ANTXR1: variants seen among roughly 807,000 people sequenced by gnomAD.
ANTXR1 encodes anthrax toxin receptor 1.
A neutral mutation model predicts 78.1 loss-of-function variants in ANTXR1; 19 were observed. The observed-to-expected ratio is 0.24, with a 90% CI of 0.17 to 0.36. The LOEUF is 0.36. ANTXR1 is among the 10% of genes least tolerant of loss of function. The pLI is 1.00. For missense variants in ANTXR1, 518 were observed against 718.6 expected (o/e 0.72, Z 3.19); for synonymous variants, 273 against 260.5 (o/e 1.05, Z -0.46).
chr2:69,146,287 G>A, intron 12 of ANTXR1: 5 of 985,358 alleles, frequency 5.1e-6, no homozygotes, highest in Non-Finnish European at 6.0e-6. Flanking sequence ...TCCAGCTCCA[G>A]TTGCTCATCT....
At chr2:69,144,922 C>A (rs1179293495) in intron 12 of ANTXR1, among the ~76,000 whole-genome samples, 1 of 152,182 alleles carries the variant, frequency 6.6e-6, no homozygotes, top group African/African-American at 2.4e-5. Flanking sequence ...GTTACTCGGA[C>A]CTATCCTGGG....
At chr2:69,064,894 T>C (rs1670349674) in intron 3 of ANTXR1, among the ~76,000 whole-genome samples, 1 of 152,114 alleles carries the variant, frequency 6.6e-6, no homozygotes, top group African/African-American at 2.4e-5. Context: ...GTGCCTAGGG[T>C]AAATGTATAG....
In ANTXR1 at chr2:69,070,711, C is replaced by A; in HGVS notation, c.361C>A (p.His121Asn). ...KVLPGGDTYM[H>N]EGFERASEQI... ...TCTGCCAGGAGGAGACACTTACATG[C>A]ATGAAGGATTTGAAAGGGTAATTTT... Residue 121 changes from histidine (H) to asparagine (N), a missense_variant, in exon 4 of 18, where the codon CAT (histidine) becomes AAT (asparagine). By Grantham distance (68) the His-to-Asn change is moderately conservative (BLOSUM62 1). Coordinates refer to ENST00000303714, the MANE Select transcript of ANTXR1 (RefSeq NM_032208.3). 1 of 1,614,012 alleles carries A rather than the reference C, an allele frequency of 6.2e-7. No individual in the cohort carries two copies. Among genetic ancestry groups the A allele is most frequent in the Non-Finnish European group, 8.5e-7 (1 of 1,179,926 alleles).
chr2:69,101,712 G>A (rs1400808626), intron 9 of ANTXR1, among the ~76,000 whole-genome samples: 1 of 152,114 alleles, frequency 6.6e-6, no homozygotes, highest in Non-Finnish European at 1.5e-5. Context: ...ACATTTAGAT[G>A]GCAATGTACT....
At chr2:69,213,056 C>G (rs1182234037) in intron 17 of ANTXR1, among the ~76,000 whole-genome samples, 2 of 151,102 alleles carry the variant, frequency 1.3e-5, no homozygotes, top group African/African-American at 4.9e-5. Flanking sequence ...ACCCTCCTGC[C>G]TCAGCTTCTC....
intron 12 of ANTXR1, chr2:69,146,218 A>T: frequency 1.0e-6 from 1 of 985,366 alleles, no homozygotes; most frequent in Non-Finnish European, 1.2e-6. Context: ...AAGAAAATGG[A>T]TGATCCCCCA....
intron 17 of ANTXR1, among the ~76,000 whole-genome samples, chr2:69,242,550 G>A (rs547982752): frequency 1.3e-5 from 2 of 152,044 alleles, no homozygotes; most frequent in Non-Finnish European, 2.9e-5. Context: ...CTCCCCTCTC[G>A]GCCAGCCTGG....
chr2:69,126,247 G>A (rs1437266811), intron 12 of ANTXR1, among the ~76,000 whole-genome samples: 1 of 152,126 alleles, frequency 6.6e-6, no homozygotes, highest in Non-Finnish European at 1.5e-5. Flanking sequence ...TGAAAGCAGG[G>A]TAACCCATTG....
intron 17 of ANTXR1, among the ~76,000 whole-genome samples, chr2:69,244,683 A>G (rs1281522096): frequency 6.6e-6 from 1 of 152,222 alleles, no homozygotes; most frequent in African/African-American, 2.4e-5. Context: ...ACCTTCTGCC[A>G]TTTCCAGGCA....
At chr2:69,081,209 C>T (rs1670891967) in intron 8 of ANTXR1, among the ~76,000 whole-genome samples, 1 of 152,190 alleles carries the variant, frequency 6.6e-6, no homozygotes, top group Admixed American at 6.5e-5. Context: ...CAGGTCTGCC[C>T]TCTTATAATG....
intron 14 of ANTXR1, among the ~76,000 whole-genome samples, chr2:69,176,900 G>A (rs1033526806): frequency 1.3e-5 from 2 of 152,182 alleles, no homozygotes; most frequent in African/African-American, 4.8e-5. Context: ...CGGCCATGTG[G>A]CTCTTCTAGT....
intron 12 of ANTXR1, among the ~76,000 whole-genome samples, chr2:69,142,697 G>A (rs535954811): frequency 1.4e-4 from 21 of 152,320 alleles, no homozygotes; most frequent in African/African-American, 4.3e-4. Flanking sequence ...AGACTTGAAA[G>A]ATGAAAAACA....
intron 3 of ANTXR1, among the ~76,000 whole-genome samples, chr2:69,060,876 CCTTT>C (rs1437489296): frequency 6.6e-6 from 1 of 152,056 alleles, no homozygotes; most frequent in East Asian, 1.9e-4. Context: ...GATGTTTTCC[CCTTT>C]CTTTCAAAAA....
intron 8 of ANTXR1, among the ~76,000 whole-genome samples, chr2:69,083,958 T>C (rs966884084): frequency 2.0e-5 from 3 of 152,240 alleles, no homozygotes; most frequent in Non-Finnish European, 2.9e-5. Context: ...CAGGCATTTC[T>C]CCTACACTAT....
chr2:69,214,137 T>C (rs1227064460), intron 17 of ANTXR1, among the ~76,000 whole-genome samples: 1 of 152,250 alleles, frequency 6.6e-6, no homozygotes, highest in Non-Finnish European at 1.5e-5. Flanking sequence ...CATAACAGCC[T>C]GGTCCAGGAG....
At chr2:69,044,244 A>T (rs1477614488) in intron 2 of ANTXR1, among the ~76,000 whole-genome samples, 1 of 152,208 alleles carries the variant, frequency 6.6e-6, no homozygotes, top group Non-Finnish European at 1.5e-5. Context: ...GAAGCCAAGG[A>T]GAAATTAAAA....
intron 3 of ANTXR1, among the ~76,000 whole-genome samples, chr2:69,060,875 C>T (rs62135629): frequency 0.025 from 3,795 of 152,066 alleles, 81 homozygotes; most frequent in South Asian, 0.032. Flanking sequence ...AGATGTTTTC[C>T]CCTTTCTTTC....
intron 13 of ANTXR1, among the ~76,000 whole-genome samples, chr2:69,160,321 T>C (rs112293160): frequency 6.6e-6 from 1 of 152,206 alleles, no homozygotes; most frequent in African/African-American, 2.4e-5. Flanking sequence ...GCCGGTGAAA[T>C]GGAAAGAGGC....
chr2:69,058,488 A>C (rs1670133868), intron 3 of ANTXR1, among the ~76,000 whole-genome samples: 3 of 152,124 alleles, frequency 2.0e-5, no homozygotes, highest in Admixed American at 2.0e-4. Flanking sequence ...TGTTTACTGC[A>C]TGGTTTACTG....
Sources: gnomAD v4.1 joint callset for allele counts (sites outside exome capture counted in the v4.1 genomes callset) on GRCh38, gnomAD v4.1.1 for gene constraint, MANE v1.5 for transcripts, NCBI Gene and HGNC (gene_info 2026-07-23, HGNC 2026-07-21) for gene names.